Variants in OLFML2A observed in about 807,000 individuals in gnomAD.
OLFML2A encodes olfactomedin-like protein 2A.
OLFML2A carries 47 observed loss-of-function variants against 60.9 expected under a neutral mutation model. That is an observed-to-expected ratio of 0.77 (90% CI 0.61 to 0.98). OLFML2A has a LOEUF of 0.98. Ranked by LOEUF, OLFML2A falls within the 50% of genes least tolerant of loss-of-function variation. The probability of loss-of-function intolerance (pLI) is 0.00; values close to 1 mark genes in which losing one functional copy is unlikely to be tolerated. For missense variants in OLFML2A, 922 were observed against 879.8 expected (o/e 1.05, Z -0.61); for synonymous variants, 372 against 375.0 (o/e 0.99, Z 0.09).
chr9:124,804,184 A>G lies in OLFML2A; in HGVS notation c.1010A>G (p.Gln337Arg), dbSNP rs1247639623. The G allele has an allele frequency of 3.7e-6, 6 of 1,614,052 alleles. No individual in the cohort carries two copies. Among genetic ancestry groups the G allele is most frequent in the Non-Finnish European group, 5.1e-6 (6 of 1,180,012 alleles). The change falls in exon 6 of 8, where the codon CAG (glutamine) becomes CGG (arginine). Residue 337 changes from glutamine (Q) to arginine (R), a missense_variant. Gln to Arg is a conservative substitution (Grantham distance 43). Transcript: ENST00000373580. ...SNSAEPNSAE[Q>R]DEAEPRSSER... is the part of the protein sequence containing the mutation. ...TCCGCAGAGCCCAACTCCGCAGAGC[A>G]GGATGAGGCTGAGCCCAGGTCCTCC...
At chr9:124,789,802 A>G (rs1841539388) in intron 2 of OLFML2A, among the ~76,000 whole-genome samples, 1 of 152,218 alleles carries the variant, frequency 6.6e-6, no homozygotes, top group Non-Finnish European at 1.5e-5. Context: ...GTGGGGAGTC[A>G]GGGGGAATGA....
At chr9:124,791,674 G>T (rs1287007996) in intron 2 of OLFML2A, among the ~76,000 whole-genome samples, 1 of 149,682 alleles carries the variant, frequency 6.7e-6, no homozygotes, top group Admixed American at 6.7e-5. Flanking sequence ...GGAGGCAGAG[G>T]TTGCAGTGAG....
chr9:124,777,165 C>T lies in OLFML2A; in HGVS notation c.-106C>T, dbSNP rs1478943673. The T allele has an allele frequency of 7.8e-6, 3 of 386,962 alleles. No individual in the cohort carries two copies. Among genetic ancestry groups the T allele is most frequent in the Non-Finnish European group, 1.3e-5 (3 of 232,398 alleles). The allele number at this position is 386,962 out of a possible 1,614,324, so 24.0% of individuals were successfully genotyped here. A position where few individuals can be genotyped will look rare whatever the true frequency, so the allele number is the denominator to read the frequency against. On this transcript the variant is annotated 5_prime_UTR_variant, in exon 1 of 8. Transcript: ENST00000373580. This position sits in a 1 kb window ranked among gnomAD's most constrained non-coding sequence, Gnocchi z 6.2. Reference sequence around the variant, plus strand: ...CGGGGCTGGCAGCAGGGTGCAGGCGCGGGGCGCGGGGCAGGCAGAGCGGGC... The same window carrying T: ...CGGGGCTGGCAGCAGGGTGCAGGCGTGGGGCGCGGGGCAGGCAGAGCGGGC...
chr9:124,810,661 G>A lies in OLFML2A; in HGVS notation c.*249G>A, dbSNP rs1478542706. The A allele has an allele frequency of 3.6e-6, 2 of 551,630 alleles. No individual in the cohort carries two copies. Among genetic ancestry groups the A allele is most frequent in the Non-Finnish European group, 6.5e-6 (2 of 309,600 alleles). 34.2% of individuals were successfully genotyped at this position (551,630 alleles called of 1,614,324 possible). On this transcript the variant is annotated 3_prime_UTR_variant, in exon 8 of 8. Transcript: ENST00000373580. ...GATTCTCCTAGCACCTCCCTTGGAG[G>A]TAGAGATCATGAACCCATTTAACAG...
At position 124,810,695 on chromosome 9, in the gene OLFML2A, A is replaced by G. The variant is rs1461921966; in HGVS notation, c.*283A>G. The G allele has an allele frequency of 6.4e-6, 3 of 471,338 alleles. No individual in the cohort carries two copies. The highest frequency in any genetic ancestry group is 5.8e-5 in the African/African-American group (3 of 51,452). 29.2% of individuals were successfully genotyped at this position (471,338 alleles called of 1,614,324 possible). A position where few individuals can be genotyped will look rare whatever the true frequency, so the allele number is the denominator to read the frequency against. ...ATGAACCCATTTAACAGACGAGGAG[A>G]CAGGCTCAGAGAGGCACCGTCCCTT... On this transcript the variant is annotated 3_prime_UTR_variant, in exon 8 of 8. Transcript: ENST00000373580.
intron 1 of OLFML2A, among the ~76,000 whole-genome samples, chr9:124,780,237 C>T (rs942086773): frequency 6.6e-6 from 1 of 152,214 alleles, no homozygotes; most frequent in African/African-American, 2.4e-5. Context: ...CACCGCAGAC[C>T]TCTGGGGAGC....
intron 1 of OLFML2A, among the ~76,000 whole-genome samples, chr9:124,778,729 G>A (rs1449800003): frequency 6.6e-6 from 1 of 152,022 alleles, no homozygotes; most frequent in Non-Finnish European, 1.5e-5. Flanking sequence ...CCCAGCAGGC[G>A]GAGGTTGCAG....
In OLFML2A at chr9:124,795,081, G is replaced by T; in HGVS notation, c.412G>T (p.Val138Leu). The change falls in exon 3 of 8, where the codon GTG becomes TTG. Residue 138 changes from valine (V) to leucine (L), a missense_variant. Transcript: ENST00000373580. ...GTLYSMDLMK[V>L]HAYVHKVASQ... is the part of the protein sequence containing the mutation. ...CCTGTACAGCATGGACTTGATGAAG[G>T]TGCACGCCTACGTCCACAAGGTGGC... is the stretch of plus-strand genomic sequence containing the variant. 1 of 1,609,546 alleles carries T rather than the reference G, an allele frequency of 6.2e-7. No homozygotes were observed. The highest frequency in any genetic ancestry group is 2.2e-5 in the East Asian group (1 of 44,772).
chr9:124,781,508 A>T (rs543984914), intron 1 of OLFML2A, among the ~76,000 whole-genome samples: 1 of 152,274 alleles, frequency 6.6e-6, no homozygotes, highest in African/African-American at 2.4e-5. Flanking sequence ...AGATGACACA[A>T]GTTGGGCGGG....
intron 3 of OLFML2A, among the ~76,000 whole-genome samples, chr9:124,796,572 T>C (rs77087330): frequency 0.01 from 1,591 of 152,288 alleles, 28 homozygotes; most frequent in African/African-American, 0.037. Context: ...GTGATAACCT[T>C]ATGGAAAAAT....
At chr9:124,796,551 T>C (rs1841673908) in intron 3 of OLFML2A, among the ~76,000 whole-genome samples, 1 of 152,358 alleles carries the variant, frequency 6.6e-6, no homozygotes, top group African/African-American at 2.4e-5. Flanking sequence ...CTGTTAACCA[T>C]GGTTTACTAA....
At chr9:124,783,611 C>A (rs2131242400) in intron 1 of OLFML2A, among the ~76,000 whole-genome samples, 1 of 152,302 alleles carries the variant, frequency 6.6e-6, no homozygotes, top group East Asian at 1.9e-4. Context: ...GAAACAGAGG[C>A]ACAGAAATAT....
chr9:124,804,711 T>A (rs1242491277), intron 6 of OLFML2A, among the ~76,000 whole-genome samples: 3 of 143,286 alleles, frequency 2.1e-5, no homozygotes, highest in African/African-American at 5.2e-5. Flanking sequence ...GCGAAAGAAA[T>A]TTTTTTTTTT....
intron 1 of OLFML2A, among the ~76,000 whole-genome samples, chr9:124,782,451 C>A (rs1044441616): frequency 6.6e-6 from 1 of 152,234 alleles, no homozygotes; most frequent in African/African-American, 2.4e-5. Flanking sequence ...CGAGGCCCTG[C>A]ATGCGTTGAT....
Position 124,805,885 on chromosome 9 carries a change from A to G in OLFML2A, c.1168+1543A>G, listed in dbSNP as rs539287249. On this transcript the variant is annotated intron_variant, in intron 6 of 7. Coordinates refer to ENST00000373580, the MANE Select transcript of OLFML2A (RefSeq NM_182487.4). Reference sequence around the variant, plus strand: ...GGCTGGAGTGCAGTAGCGTGATCTCAGCTCACTGCAACCTCTGCCTCCTGA... The same window carrying G: ...GGCTGGAGTGCAGTAGCGTGATCTCGGCTCACTGCAACCTCTGCCTCCTGA... Among the ~76,000 whole-genome samples the G allele has an allele frequency of 2.4e-5, 3 of 125,716 alleles. No homozygotes were observed. In the Admixed American group the frequency reaches 3.2e-4, roughly 14 times the overall value. The allele number at this position is 125,716 out of a possible 152,430, so 82.5% of individuals were successfully genotyped here.
chr9:124,798,962 A>ATTGT (rs1841717841), intron 3 of OLFML2A, among the ~76,000 whole-genome samples: 1 of 152,246 alleles, frequency 6.6e-6, no homozygotes, highest in South Asian at 2.1e-4. Context: ...TTAGAAGGAT[A>ATTGT]TACAAGGAAC....
chr9:124,785,163 G>C (rs563179113), intron 1 of OLFML2A, among the ~76,000 whole-genome samples: 1 of 150,722 alleles, frequency 6.6e-6, no homozygotes, highest in African/African-American at 2.4e-5. Flanking sequence ...CATGTTGGCC[G>C]GGCTGGTCTC....
Position 124,810,849 on chromosome 9 carries a change from A to C in OLFML2A, c.*437A>C. Reference sequence around the variant, plus strand: ...CTCCCCGGTCTCCCTTGTTCTCTCAACCCAGTCTCCCTTCCCAGGGCCACT... The same window carrying C: ...CTCCCCGGTCTCCCTTGTTCTCTCACCCCAGTCTCCCTTCCCAGGGCCACT... On this transcript the variant is annotated 3_prime_UTR_variant, in exon 8 of 8. Transcript: ENST00000373580. 5.8e-6 allele frequency: 1 copy of C among 172,102 alleles called. No individual in the cohort carries two copies. 10.7% of individuals were successfully genotyped at this position (172,102 alleles called of 1,614,324 possible).
In OLFML2A at chr9:124,801,605, G is replaced by T; in HGVS notation, c.861G>T (p.Val287=). Residue 287 remains valine, a synonymous_variant, in exon 5 of 8, where the codon GTG becomes GTT. Transcript: ENST00000373580. The part of the protein sequence containing the change: ...KPRALAQQQA[V]IRGFTYYKAG... ...GCGCCCTGGCCCAGCAGCAGGCTGT[G>T]ATCCGGGGCTTCACCTACTACAAGG... 6.2e-7 allele frequency: 1 copy of T among 1,613,942 alleles called. No individual in the cohort carries two copies. Among genetic ancestry groups the T allele is most frequent in the Non-Finnish European group, 8.5e-7 (1 of 1,180,028 alleles).
Sources: allele counts gnomAD v4.1 joint callset (sites outside exome capture counted in the v4.1 genomes callset), GRCh38; gene constraint gnomAD v4.1.1; non-coding constraint Gnocchi (gnomAD v3.1); transcripts MANE v1.5; gene names NCBI Gene and HGNC (gene_info 2026-07-23, HGNC 2026-07-21).